The following UBR1 variants were observed in gnomAD, a reference collection of about 807,000 sequenced individuals.
UBR1 encodes the protein ubiquitin protein ligase E3 component n-recognin 1.
UBR1 carries 102 observed loss-of-function variants against 242.1 expected under a neutral mutation model. That is an observed-to-expected ratio of 0.42 (90% CI 0.36 to 0.50). The LOEUF (loss-of-function observed/expected upper bound fraction) is 0.50. UBR1 is among the 20% of genes least tolerant of loss of function. The probability of loss-of-function intolerance (pLI) is 0.01; values close to 1 mark genes in which losing one functional copy is unlikely to be tolerated. For synonymous variants in UBR1, 675 were observed against 684.8 expected (o/e 0.99, Z 0.22); for missense variants, 1,772 against 2,101.8 (o/e 0.84, Z 3.07).
At chr15:43,013,962 G>A (rs2032965919) in intron 29 of UBR1, among the ~76,000 whole-genome samples, 2 of 150,806 alleles carry the variant, frequency 1.3e-5, no homozygotes, top group South Asian at 2.1e-4. Context: ...CTGCCATCTC[G>A]GCTCACTGCA....
chr15:43,075,671 A>T (rs1412224771), intron 3 of UBR1, among the ~76,000 whole-genome samples: 1 of 150,418 alleles, frequency 6.6e-6, no homozygotes, highest in Non-Finnish European at 1.5e-5. Context: ...GCTGGAGTGC[A>T]ATGGCGTGAT....
At chr15:42,967,219 G>GTTTTT (rs55879443) in intron 40 of UBR1, among the ~76,000 whole-genome samples, 7 of 113,196 alleles carry the variant, frequency 6.2e-5, no homozygotes, top group South Asian at 3.3e-4. Context: ...TGCTCAACTA[G>GTTTTT]TTTTTTTTTT....
chr15:43,015,564 T>A (rs2033008991), intron 29 of UBR1, 124 bp downstream of exon 29: 2 of 1,077,376 alleles, frequency 1.9e-6, no homozygotes, highest in Non-Finnish European at 1.4e-6. Context: ...CTTGTTTATC[T>A]GCTGACCTTC....
At chr15:42,992,550 G>A (rs1287264432) in intron 33 of UBR1, among the ~76,000 whole-genome samples, 2 of 152,172 alleles carry the variant, frequency 1.3e-5, no homozygotes, top group Non-Finnish European at 2.9e-5. Context: ...CTCCTCGGGG[G>A]GTTAGCCTGG....
chr15:43,000,589 G>T (rs1448698663), intron 32 of UBR1, among the ~76,000 whole-genome samples: 1 of 152,044 alleles, frequency 6.6e-6, no homozygotes, highest in Non-Finnish European at 1.5e-5. Context: ...TCTGTCTTGG[G>T]ACAAGTAAAA....
chr15:43,047,130 G>C, intron 14 of UBR1, 31 bp downstream of exon 14: 2 of 1,613,278 alleles, frequency 1.2e-6, no homozygotes, highest in Non-Finnish European at 1.7e-6. Flanking sequence ...AACTTAAAAA[G>C]GCACTGATCC....
chr15:42,953,103 A>G (rs1345670409), intron 44 of UBR1, among the ~76,000 whole-genome samples: 1 of 152,078 alleles, frequency 6.6e-6, no homozygotes, highest in Non-Finnish European at 1.5e-5. Context: ...CCAGCCTTCC[A>G]TCTGGGAATC....
chr15:43,075,437 AT>A (rs570454785), intron 3 of UBR1, among the ~76,000 whole-genome samples: 54 of 150,582 alleles, frequency 3.6e-4, no homozygotes, highest in South Asian at 2.1e-3. Context: ...AACACCTAGA[AT>A]TTTTTTTTTA....
intron 32 of UBR1, 102 bp from the exon 33 acceptor site, chr15:42,998,367 T>C (rs1452381880): frequency 1.9e-6 from 2 of 1,059,650 alleles, no homozygotes; most frequent in Non-Finnish European, 2.8e-6. Flanking sequence ...TATAAAAAAG[T>C]TGAGTTCCTC....
At chr15:42,963,875 G>C in intron 42 of UBR1, 60 bp downstream of exon 42, 2 of 1,339,166 alleles carry the variant, frequency 1.5e-6, no homozygotes, top group Non-Finnish European at 1.1e-6. Context: ...GCAAGTAATT[G>C]TAATTTTAAA....
chr15:42,974,861 C>A (rs149002764), intron 39 of UBR1, among the ~76,000 whole-genome samples: 2 of 152,196 alleles, frequency 1.3e-5, no homozygotes, highest in Admixed American at 6.5e-5. Flanking sequence ...CAGGCATGAG[C>A]CACTGGGCTT....
chr15:43,038,438 G>C (rs1024806551), intron 15 of UBR1, among the ~76,000 whole-genome samples: 1 of 151,942 alleles, frequency 6.6e-6, no homozygotes, highest in East Asian at 1.9e-4. Context: ...GTGAAAGCCC[G>C]TCTCTACAAT....
chr15:43,037,349 C>CAA (rs1282652005), intron 17 of UBR1, among the ~76,000 whole-genome samples: 8 of 67,988 alleles, frequency 1.2e-4, no homozygotes, highest in African/African-American at 3.8e-4. Context: ...GACTCTGTCT[C>CAA]AAAAAAAAAA....
In UBR1 at chr15:43,038,044, A is replaced by G. The variant is rs1202629244; in HGVS notation, c.1911+127T>C. ...GACTCAGATTACAATGTACTATATG[A>G]AGATGTAAAATTACTAAATGGGAAT... On this transcript the variant is annotated intron_variant, in intron 16 of 46. Coordinates refer to ENST00000290650, the MANE Select transcript of UBR1 (RefSeq NM_174916.3). The G allele has an allele frequency of 5.7e-6, 7 of 1,230,648 alleles. 1 individual carries two copies. Among genetic ancestry groups the G allele is most frequent in the South Asian group, 1.3e-5 (1 of 77,844 alleles). 76.2% of individuals were successfully genotyped at this position (1,230,648 alleles called of 1,614,324 possible).
Position 42,967,834 on chromosome 15 carries a change from G to C in UBR1, c.4458-1548C>G, listed in dbSNP as rs564584163. 5.9e-5 allele frequency among the ~76,000 whole-genome samples: 9 copies of C among 151,526 alleles called. No homozygotes were observed. In the East Asian group the frequency reaches 1.7e-3, roughly 29 times the overall value. ...GACTGGTAAAGGTGACTGATGAGGGGAACTTGGCAGCAGATGTAGTTCAGC... is the reference window on the plus strand; with the variant it reads ...GACTGGTAAAGGTGACTGATGAGGGCAACTTGGCAGCAGATGTAGTTCAGC... On this transcript the variant is annotated intron_variant, in intron 40 of 46. Coordinates refer to ENST00000290650, the MANE Select transcript of UBR1 (RefSeq NM_174916.3).
At chr15:43,061,064 C>T (rs2033678228) in intron 6 of UBR1, among the ~76,000 whole-genome samples, 2 of 151,988 alleles carry the variant, frequency 1.3e-5, no homozygotes, top group African/African-American at 4.8e-5. Flanking sequence ...TGGCAATTAA[C>T]CTAAAGCAGT....
At chr15:43,023,641 A>G (rs570532039) in intron 25 of UBR1, among the ~76,000 whole-genome samples, 1 of 151,422 alleles carries the variant, frequency 6.6e-6, no homozygotes, top group South Asian at 2.1e-4. Flanking sequence ...AACCTCACTT[A>G]AAGAAAAATG....
chr15:43,060,242 T>C, intron 6 of UBR1, 128 bp from the exon 7 acceptor site: 3 of 875,714 alleles, frequency 3.4e-6, no homozygotes, highest in Non-Finnish European at 3.9e-6. Flanking sequence ...AGTTGTAAGA[T>C]ACCGGAACAA....
At chr15:42,994,360 C>A (rs1360556693) in intron 33 of UBR1, among the ~76,000 whole-genome samples, 3 of 96,260 alleles carry the variant, frequency 3.1e-5, no homozygotes, top group African/African-American at 4.0e-5. Context: ...TCAGCCTGGG[C>A]AACACAGCAA....
Sources: gnomAD v4.1 joint callset for allele counts (sites outside exome capture counted in the v4.1 genomes callset) on GRCh38, gnomAD v4.1.1 for gene constraint, MANE v1.5 for transcripts, NCBI Gene and HGNC (gene_info 2026-07-23, HGNC 2026-07-21) for gene names.